NCBP3: variants seen among roughly 807,000 people sequenced by gnomAD.
The protein encoded by NCBP3 is nuclear cap binding subunit 3.
A neutral mutation model predicts 75.7 loss-of-function variants in NCBP3; 20 were observed. The observed-to-expected ratio is 0.26, with a 90% CI of 0.19 to 0.38. NCBP3 has a LOEUF of 0.38. Ranked by LOEUF, NCBP3 falls within the 10% of genes least tolerant of loss-of-function variation. The probability of loss-of-function intolerance (pLI) is 1.00; values close to 1 mark genes in which losing one functional copy is unlikely to be tolerated. For synonymous variants in NCBP3, 293 were observed against 290.5 expected (o/e 1.01, Z -0.09); for missense variants, 678 against 796.9 (o/e 0.85, Z 1.80).
intron 10 of NCBP3, among the ~76,000 whole-genome samples, chr17:3,816,935 G>A (rs1311996898): frequency 6.6e-6 from 1 of 152,118 alleles, no homozygotes; most frequent in Non-Finnish European, 1.5e-5. Context: ...GCTGAGGCAG[G>A]AAAATGCTGT....
At chr17:3,840,883 T>C (rs2054052030) in intron 2 of NCBP3, among the ~76,000 whole-genome samples, 1 of 152,236 alleles carries the variant, frequency 6.6e-6, no homozygotes, top group Non-Finnish European at 1.5e-5. Flanking sequence ...ATTGACACTT[T>C]ACTGAAAAAA....
intron 2 of NCBP3, among the ~76,000 whole-genome samples, chr17:3,840,770 A>C (rs1393232697): frequency 6.6e-6 from 1 of 152,168 alleles, no homozygotes; most frequent in Non-Finnish European, 1.5e-5. Flanking sequence ...CACTCCCTAA[A>C]GCTAGTCTGT....
chr17:3,821,379 A>C, intron 8 of NCBP3, 27 bp from the exon 9 acceptor site: 1 of 1,556,402 alleles, frequency 6.4e-7, no homozygotes, highest in South Asian at 1.1e-5. Context: ...ATAAGCACAC[A>C]ATCAAAAACT....
chr17:3,832,829 A>G (rs1207739012), intron 3 of NCBP3, among the ~76,000 whole-genome samples: 1 of 152,208 alleles, frequency 6.6e-6, no homozygotes, highest in Non-Finnish European at 1.5e-5. Context: ...TTTTAAACAC[A>G]TAATAATTTT....
intron 10 of NCBP3, among the ~76,000 whole-genome samples, chr17:3,817,504 C>T (rs2053559212): frequency 6.6e-6 from 1 of 152,176 alleles, no homozygotes; most frequent in Admixed American, 6.5e-5. Flanking sequence ...TGGCAGGCGC[C>T]TGTAGTCCCA....
At position 3,803,430 on chromosome 17, in the gene NCBP3, A is replaced by C. The variant is rs2053298365; in HGVS notation, c.*9614T>G. ...TTGAAACAGGAACTACAAATTAGCA[A>C]CTCCTGGGCTGATCAGAGAATATTA... On this transcript the variant is annotated 3_prime_UTR_variant, in exon 13 of 13. Coordinates refer to ENST00000389005, the MANE Select transcript of NCBP3 (RefSeq NM_001114118.3). 1.3e-5 allele frequency: 2 copies of C among 152,164 alleles called. No homozygotes were observed. The highest frequency in any genetic ancestry group is 2.9e-5 in the Non-Finnish European group (2 of 68,040). 9.4% of individuals were successfully genotyped at this position (152,164 alleles called of 1,614,324 possible).
Position 3,818,377 on chromosome 17 carries a change from G to A in NCBP3, c.1196C>T (p.Ser399Leu). The change falls in exon 10 of 13, where the codon TCA (serine) becomes TTA (leucine). Residue 399 changes from serine to leucine, a missense_variant. Ser to Leu is a moderately radical substitution (Grantham distance 145, BLOSUM62 -2). Coordinates refer to ENST00000389005, the MANE Select transcript of NCBP3 (RefSeq NM_001114118.3). The surrounding 1 kb of genome is among the most constrained non-coding windows in gnomAD (Gnocchi z 4.7). ...TTCTAGATCATAGTCCATTTCATCT[G>A]AGTCTGAGCTGCTGGCACTGGATCG... ...SRRSSASSSD[S>L]DEMDYDLELK... is the part of the protein sequence containing the mutation. The A allele has an allele frequency of 6.2e-7, 1 of 1,614,154 alleles. No individual in the cohort carries two copies. The highest frequency in any genetic ancestry group is 8.5e-7 in the Non-Finnish European group (1 of 1,180,036).
chr17:3,815,644 G>T (rs1481271699), intron 11 of NCBP3, among the ~76,000 whole-genome samples: 5 of 151,830 alleles, frequency 3.3e-5, no homozygotes, highest in African/African-American at 1.2e-4. Flanking sequence ...GAATACATGT[G>T]GAAAAAAAGT....
At position 3,812,894 on chromosome 17, in the gene NCBP3, A is replaced by C; in HGVS notation, c.*150T>G. On this transcript the variant is annotated 3_prime_UTR_variant, in exon 13 of 13. Transcript: ENST00000389005. ...GCCCTTGAAAATGTGTCACATTCTT[A>C]AGATGTCTTGCCGAAGTAGCAAGAG... 6.9e-7 allele frequency: 1 copy of C among 1,455,384 alleles called. No individual in the cohort carries two copies. The highest frequency in any genetic ancestry group is 9.0e-7 in the Non-Finnish European group (1 of 1,107,656). 90.2% of individuals were successfully genotyped at this position (1,455,384 alleles called of 1,614,324 possible).
Position 3,814,419 on chromosome 17 carries a change from G to A in NCBP3, c.1530C>T (p.Val510=), listed in dbSNP as rs754244716. Residue 510 remains valine (V), a synonymous_variant, in exon 12 of 13, where the codon GTC becomes GTT. Transcript: ENST00000389005. ...CATCAGAAGAGGGCTCTCTCCGAAC[G>A]ACGGGGTTACTACTAAAAGCCTTTT... ...SPEKAFSSNP[V]VRREPSSDVH... The A allele has an allele frequency of 8.1e-6, 13 of 1,614,070 alleles. No homozygotes were observed. In the Admixed American group the frequency reaches 1.0e-4, roughly 12 times the overall value.
intron 8 of NCBP3, 44 bp downstream of exon 8, chr17:3,821,909 A>T: frequency 7.8e-7 from 1 of 1,286,404 alleles, no homozygotes; most frequent in Non-Finnish European, 1.1e-6. Flanking sequence ...CTGAAGGATT[A>T]AGAAAAACTC....
At chr17:3,813,363 C>G (rs1266484647) in intron 12 of NCBP3, 84 bp from the exon 13 acceptor site, 1 of 1,510,400 alleles carries the variant, frequency 6.6e-7, no homozygotes, top group African/African-American at 1.4e-5. Context: ...ACTGCCAACA[C>G]CTGCTGTGCA....
chr17:3,842,256 C>T (rs1382311829), intron 2 of NCBP3, among the ~76,000 whole-genome samples: 1 of 152,162 alleles, frequency 6.6e-6, no homozygotes, highest in Non-Finnish European at 1.5e-5. Flanking sequence ...GAAACCCTGT[C>T]TCTACTAAAA....
chr17:3,845,260 T>G (rs1029685534), intron 1 of NCBP3, among the ~76,000 whole-genome samples: 2 of 152,178 alleles, frequency 1.3e-5, no homozygotes, highest in Admixed American at 1.3e-4. Flanking sequence ...TCTCCATAAC[T>G]TCAGTCTAAA....
In NCBP3 at chr17:3,813,369, G is replaced by A. The variant is rs902542232; in HGVS notation, c.1628-90C>T. 9.4e-6 allele frequency: 14 copies of A among 1,485,548 alleles called. 1 individual carries two copies. In the African/African-American group the frequency reaches 1.5e-4, roughly 16 times the overall value. 92.0% of individuals were successfully genotyped at this position (1,485,548 alleles called of 1,614,324 possible). On this transcript the variant is annotated intron_variant, in intron 12 of 12. Coordinates refer to ENST00000389005, the MANE Select transcript of NCBP3 (RefSeq NM_001114118.3). ...GGCAGCAGCACTGCCAACACCTGCT[G>A]TGCAGGAAACGCCAGCAGTCTGTGG...
chr17:3,830,308 T>C (rs1445217158), intron 3 of NCBP3, among the ~76,000 whole-genome samples: 1 of 152,190 alleles, frequency 6.6e-6, no homozygotes, highest in Non-Finnish European at 1.5e-5. Context: ...TAATAAATTA[T>C]GCTTTATCCA....
rs954198355 is a variant in NCBP3 at position 3,846,177 on chromosome 17, G to A, written c.47C>T (p.Pro16Leu). Residue 16 changes from proline to leucine, a missense_variant, in exon 1 of 13, where the codon CCG becomes CTG. Pro to Leu is a moderately conservative substitution (Grantham distance 98). Around this residue, in one of 7 missense-constraint regions of NCBP3, gnomAD observed 76 missense variants for 53.8 expected, o/e 1.41. Coordinates refer to ENST00000389005, the MANE Select transcript of NCBP3 (RefSeq NM_001114118.3). The surrounding 1 kb of genome is among the most constrained non-coding windows in gnomAD (Gnocchi z 4.6). ...CGGGAGCCCCAGGGCCGGCCCCGCC[G>A]GGGCCTCCGCCTTCACCGACACCCG... is the stretch of plus-strand genomic sequence containing the variant. The part of the protein sequence containing the change: ...GLRVSVKAEA[P>L]AGPALGLPSP... 4.6e-6 allele frequency: 7 copies of A among 1,520,556 alleles called. No individual in the cohort carries two copies. Among genetic ancestry groups the A allele is most frequent in the Non-Finnish European group, 5.3e-6 (6 of 1,134,770 alleles). 94.2% of individuals were successfully genotyped at this position (1,520,556 alleles called of 1,614,324 possible). A position where few individuals can be genotyped will look rare whatever the true frequency, so the allele number is the denominator to read the frequency against.
intron 7 of NCBP3, among the ~76,000 whole-genome samples, chr17:3,823,122 G>A (rs144933551): frequency 0.022 from 3,323 of 152,264 alleles, 138 homozygotes; most frequent in African/African-American, 0.077. Context: ...GACCATCCTG[G>A]CCAACATGGT....
Position 3,846,055 on chromosome 17 carries a change from TGAGC to T in NCBP3, c.165_168del (p.Leu56ArgfsTer3). Reference sequence around the variant, plus strand: ...CCCGCCCGTACCGGGATCAGTTCCTTGAGCGAGCGCCGCACAGGCACGATTTCCA... The same window carrying T: ...CCCGCCCGTACCGGGATCAGTTCCTTGAGCGCCGCACAGGCACGATTTCCA... On this transcript the variant is annotated frameshift_variant, in exon 1 of 13. Coordinates refer to ENST00000389005, the MANE Select transcript of NCBP3 (RefSeq NM_001114118.3). LOFTEE classifies it high-confidence loss of function. The surrounding 1 kb of genome is among the most constrained non-coding windows in gnomAD (Gnocchi z 4.6). 6.5e-7 allele frequency: 1 copy of T among 1,548,276 alleles called. No individual in the cohort carries two copies. The highest frequency in any genetic ancestry group is 8.7e-7 in the Non-Finnish European group (1 of 1,145,512).
Sources: allele counts gnomAD v4.1 joint callset (sites outside exome capture counted in the v4.1 genomes callset), GRCh38; gene constraint gnomAD v4.1.1; regional missense constraint gnomAD v4.1.1; non-coding constraint Gnocchi (gnomAD v3.1); transcripts MANE v1.5; gene names NCBI Gene and HGNC (gene_info 2026-07-23, HGNC 2026-07-21).